Variants in ITGB6 observed in about 807,000 individuals in gnomAD.
ITGB6 encodes integrin subunit beta 6, also known as integrin beta-6.
In ITGB6, 80 loss-of-function variants were observed where a neutral mutation model predicts 84.5. The ratio of observed to expected loss-of-function variants is 0.95; its 90% confidence interval spans 0.79 to 1.14. ITGB6 has a LOEUF of 1.14. Among genes scored for constraint, ITGB6 ranks in the 50% most tolerant of loss-of-function variants. ITGB6 has a pLI of 0.00. For synonymous variants in ITGB6, 383 were observed against 354.9 expected, an observed-to-expected ratio of 1.08 and a Z score of -0.89; for missense variants, 1,006 against 968.0, an observed-to-expected ratio of 1.04 and a Z score of -0.52.
chr2:160,160,861 C>T (rs534410459), intron 7 of ITGB6, among the ~76,000 whole-genome samples: 1 of 152,278 alleles, frequency 6.6e-6, no homozygotes, highest in South Asian at 2.1e-4. Flanking sequence ...ACATGGGTAA[C>T]TGAATTATGC....
At chr2:160,112,815 A>G (rs1442956171) in intron 12 of ITGB6, among the ~76,000 whole-genome samples, 4 of 151,946 alleles carry the variant, frequency 2.6e-5, no homozygotes, top group South Asian at 4.1e-4. Flanking sequence ...AAAAAAATCC[A>G]GTTTACCTTA....
intron 10 of ITGB6, among the ~76,000 whole-genome samples, chr2:160,135,198 T>G (rs1041331522): frequency 1.3e-5 from 2 of 151,228 alleles, no homozygotes; most frequent in East Asian, 3.9e-4. Flanking sequence ...ATAAGCAACT[T>G]CAGCAAAGTC....
chr2:160,162,281 CA>C, intron 7 of ITGB6, among the ~76,000 whole-genome samples: 1 of 151,780 alleles, frequency 6.6e-6, no homozygotes, highest in East Asian at 1.9e-4. Context: ...AGTCAAAAAG[CA>C]AATGGTAAAA....
At chr2:160,116,645 C>T (rs1317763212) in intron 12 of ITGB6, among the ~76,000 whole-genome samples, 5 of 152,042 alleles carry the variant, frequency 3.3e-5, no homozygotes, top group East Asian at 1.9e-4. Context: ...AATGACAGGA[C>T]CAAATTCACA....
intron 12 of ITGB6, among the ~76,000 whole-genome samples, chr2:160,120,936 G>C (rs1044752914): frequency 6.8e-6 from 1 of 146,804 alleles, no homozygotes; most frequent in Non-Finnish European, 1.5e-5. Context: ...GGGAGGGATA[G>C]CATTAGGAGA....
chr2:160,108,110 A>G (rs1476250815), intron 13 of ITGB6, among the ~76,000 whole-genome samples: 1 of 152,194 alleles, frequency 6.6e-6, no homozygotes, highest in African/African-American at 2.4e-5. Flanking sequence ...AGAGAATCCA[A>G]AAGAGTGATA....
chr2:160,168,043 A>C (rs1256883577), intron 7 of ITGB6, among the ~76,000 whole-genome samples: 1 of 152,224 alleles, frequency 6.6e-6, no homozygotes, highest in Non-Finnish European at 1.5e-5. Context: ...AATATCACAT[A>C]CTAAAAAGCC....
At chr2:160,198,142 A>T (rs1380631929) in intron 2 of ITGB6, among the ~76,000 whole-genome samples, 2 of 151,954 alleles carry the variant, frequency 1.3e-5, no homozygotes, top group Non-Finnish European at 2.9e-5. Context: ...TATCCAAAAA[A>T]CATGTGATTT....
rs575984830 is a variant in ITGB6, at chr2:160,179,547, ATT to A, written c.594-5410_594-5409del. ...AGGCATGCACCACCACGTCCAGCTA[ATT>A]TTTTTTTTTTTTTTGGTATTTTTAG... On this transcript the variant is annotated intron_variant, in intron 4 of 14. Coordinates refer to ENST00000283249, the MANE Select transcript of ITGB6 (RefSeq NM_000888.5). 2.6e-4 allele frequency among the ~76,000 whole-genome samples: 35 copies of A among 136,630 alleles called. No individual in the cohort carries two copies. In the East Asian group the frequency reaches 3.4e-3, roughly 13 times the overall value. 89.6% of individuals were successfully genotyped at this position (136,630 alleles called of 152,430 possible).
intron 14 of ITGB6, among the ~76,000 whole-genome samples, chr2:160,105,538 G>A (rs1393738527): frequency 6.6e-6 from 1 of 152,166 alleles, no homozygotes; most frequent in East Asian, 1.9e-4. Flanking sequence ...CAAAGGCTGT[G>A]CTTAGAAGAA....
chr2:160,198,223 T>C (rs557380211), intron 2 of ITGB6, among the ~76,000 whole-genome samples: 3 of 152,326 alleles, frequency 2.0e-5, no homozygotes, highest in African/African-American at 7.2e-5. Context: ...CTCTTGAATT[T>C]TTTTTGTGGC....
chr2:160,170,659 T>C (rs1285253684), intron 6 of ITGB6, among the ~76,000 whole-genome samples: 1 of 152,176 alleles, frequency 6.6e-6, no homozygotes, highest in Non-Finnish European at 1.5e-5. Flanking sequence ...CCTTGTATTA[T>C]TTTTTGGCCT....
Position 160,112,217 on chromosome 2 carries a change from A to G in ITGB6, c.1982-18T>C. The G allele has an allele frequency of 6.4e-7, 1 of 1,566,164 alleles. No homozygotes were observed. The highest frequency in any genetic ancestry group is 8.7e-7 in the Non-Finnish European group (1 of 1,154,358). ...TGAGAAATCTGCAGATAAAGGAGTC[A>G]TTCATTAGGTTAAACAAGATTCCAA... On this transcript the variant is annotated intron_variant, in intron 12 of 14. Coordinates refer to ENST00000283249, the MANE Select transcript of ITGB6 (RefSeq NM_000888.5).
At chr2:160,171,601 TG>T (rs1351851692) in intron 6 of ITGB6, among the ~76,000 whole-genome samples, 1 of 152,188 alleles carries the variant, frequency 6.6e-6, no homozygotes, top group Non-Finnish European at 1.5e-5. Context: ...CCCAAAATGC[TG>T]GGATTATAGG....
intron 7 of ITGB6, among the ~76,000 whole-genome samples, chr2:160,149,724 A>G (rs530071633): frequency 6.6e-6 from 1 of 152,268 alleles, no homozygotes; most frequent in Non-Finnish European, 1.5e-5. Context: ...GATTGGACAA[A>G]TGGCTAACCA....
At chr2:160,161,599 T>G (rs1194657149) in intron 7 of ITGB6, among the ~76,000 whole-genome samples, 1 of 152,144 alleles carries the variant, frequency 6.6e-6, no homozygotes, top group African/African-American at 2.4e-5. Context: ...CCAGAAAAAC[T>G]TATTCTAAAA....
intron 12 of ITGB6, among the ~76,000 whole-genome samples, chr2:160,122,913 C>T (rs767574194): frequency 1.3e-4 from 20 of 152,210 alleles, no homozygotes; most frequent in Admixed American, 7.8e-4. Flanking sequence ...AATTATTTCA[C>T]TTCACCTGAG....
intron 2 of ITGB6, 112 bp downstream of exon 2, chr2:160,199,067 A>C (rs1686451094): frequency 1.3e-6 from 1 of 791,460 alleles, no homozygotes; most frequent in South Asian, 1.7e-5. Flanking sequence ...GATTTGTTTT[A>C]CTTATACAAC....
At chr2:160,137,137 A>G (rs1403773240) in intron 10 of ITGB6, among the ~76,000 whole-genome samples, 1 of 152,120 alleles carries the variant, frequency 6.6e-6, no homozygotes, top group Non-Finnish European at 1.5e-5. Flanking sequence ...TGGAGTTCAT[A>G]TAACAGGCAC....
Sources: gnomAD v4.1 joint callset for allele counts (sites outside exome capture counted in the v4.1 genomes callset) on GRCh38, gnomAD v4.1.1 for gene constraint, MANE v1.5 for transcripts, NCBI Gene and HGNC (gene_info 2026-07-23, HGNC 2026-07-21) for gene names.